The following EPHA6 variants were observed in gnomAD, a reference collection of about 807,000 sequenced individuals.
EPHA6 encodes ephrin type-A receptor 6.
Under a neutral mutation model 112.0 loss-of-function variants are expected in EPHA6, and 50 were observed. The observed-to-expected ratio is 0.45, with a 90% CI of 0.36 to 0.56. The LOEUF (loss-of-function observed/expected upper bound fraction) is 0.56, where lower values mean the gene tolerates loss of function less well. EPHA6 is among the 20% of genes least tolerant of loss of function. The probability of loss-of-function intolerance (pLI) is 0.00; values close to 1 mark genes in which losing one functional copy is unlikely to be tolerated. For missense variants in EPHA6, 1,280 were observed against 1,417.4 expected (o/e 0.90, Z 1.56); for synonymous variants, 529 against 490.7 (o/e 1.08, Z -1.03).
rs1434478011 is a variant in EPHA6 at position 97,701,930 on chromosome 3, T to A, written c.2785-18331T>A. On this transcript the variant is annotated intron_variant, in intron 14 of 17. Coordinates refer to ENST00000389672, the MANE Select transcript of EPHA6 (RefSeq NM_001080448.3). ...GCCAAGTTGAAAATAATATCAGGTA[T>A]CTACATTTCCATTTAAATGTTCTCA... Among the ~76,000 whole-genome samples the A allele has an allele frequency of 3.9e-5, 6 of 152,300 alleles. No homozygotes were observed. The East Asian group carries it at 1.2e-3, about 29-fold the overall frequency.
intron 2 of EPHA6, among the ~76,000 whole-genome samples, chr3:96,929,446 A>C (rs942281767): frequency 6.6e-6 from 1 of 152,188 alleles, no homozygotes; most frequent in Non-Finnish European, 1.5e-5. Context: ...GAATTCCCTC[A>C]GCATTTGCTT....
chr3:97,158,013 C>T (rs1231385298), intron 3 of EPHA6, among the ~76,000 whole-genome samples: 1 of 152,072 alleles, frequency 6.6e-6, no homozygotes, highest in African/African-American at 2.4e-5. Flanking sequence ...CTCCCTAAAC[C>T]ATACTTCTCC....
At chr3:97,655,941 G>A (rs550722286) in intron 14 of EPHA6, among the ~76,000 whole-genome samples, 3 of 151,808 alleles carry the variant, frequency 2.0e-5, no homozygotes, top group African/African-American at 7.3e-5. Context: ...AGTCTTTGGC[G>A]ATAGATGTTA....
chr3:97,445,486 A>G (rs1333987169), intron 6 of EPHA6, among the ~76,000 whole-genome samples: 2 of 152,232 alleles, frequency 1.3e-5, no homozygotes, highest in Non-Finnish European at 2.9e-5. Context: ...ATTAATAAGT[A>G]CTTAGAACTA....
intron 3 of EPHA6, among the ~76,000 whole-genome samples, chr3:97,063,179 A>G (rs2046075728): frequency 6.6e-6 from 1 of 152,158 alleles, no homozygotes; most frequent in African/African-American, 2.4e-5. Context: ...ATATCATTTG[A>G]CTCAGCAATC....
At chr3:97,480,695 T>A (rs529759852) in intron 9 of EPHA6, among the ~76,000 whole-genome samples, 453 of 152,358 alleles carry the variant, frequency 3.0e-3, no homozygotes, top group Non-Finnish European at 5.1e-3. Context: ...CCCTTTTCTA[T>A]TTGACAAAAC....
At chr3:97,704,415 C>T (rs917344614) in intron 14 of EPHA6, among the ~76,000 whole-genome samples, 1 of 152,148 alleles carries the variant, frequency 6.6e-6, no homozygotes, top group African/African-American at 2.4e-5. Context: ...CCATCTTTTC[C>T]TCCTCAGACA....
At chr3:97,267,939 T>G (rs2108634154) in intron 5 of EPHA6, among the ~76,000 whole-genome samples, 1 of 152,270 alleles carries the variant, frequency 6.6e-6, no homozygotes, top group Admixed American at 6.5e-5. Flanking sequence ...AAAACCTGAT[T>G]AAGACTTCCT....
At chr3:97,292,468 T>C in intron 5 of EPHA6, among the ~76,000 whole-genome samples, 1 of 152,178 alleles carries the variant, frequency 6.6e-6, no homozygotes, top group Non-Finnish European at 1.5e-5. Context: ...GGAGCTTCAT[T>C]AAGTAACAGA....
chr3:96,853,865 A>G (rs533977481), intron 1 of EPHA6, among the ~76,000 whole-genome samples: 7 of 151,958 alleles, frequency 4.6e-5, no homozygotes, highest in African/African-American at 1.7e-4. Context: ...GTTACTATTT[A>G]TTGTTTTTAG....
intron 11 of EPHA6, among the ~76,000 whole-genome samples, chr3:97,585,210 C>T (rs943392618): frequency 6.6e-6 from 1 of 152,170 alleles, no homozygotes; most frequent in African/African-American, 2.4e-5. Flanking sequence ...AGGAAAGTTA[C>T]AGTCCACGTT....
chr3:97,040,696 T>A (rs1171110287), intron 3 of EPHA6, among the ~76,000 whole-genome samples: 1 of 152,118 alleles, frequency 6.6e-6, no homozygotes, highest in East Asian at 1.9e-4. Flanking sequence ...ATAGTTTTAT[T>A]CTTTGGCTAT....
At chr3:97,325,533 C>G (rs1254893190) in intron 5 of EPHA6, among the ~76,000 whole-genome samples, 2 of 152,054 alleles carry the variant, frequency 1.3e-5, no homozygotes, top group African/African-American at 4.8e-5. Context: ...GTACAGGGGT[C>G]TAGGCTTCAA....
rs2305893 is a variant in EPHA6 at position 97,475,473 on chromosome 3, T to G, written c.2003+13T>G. On this transcript the variant is annotated intron_variant, in intron 8 of 17. Coordinates refer to ENST00000389672, the MANE Select transcript of EPHA6 (RefSeq NM_001080448.3). ...TGATCACTGGGAGGTAACTGAAACATACCATACTATTTCCGAGATTTATGA... is the reference window on the plus strand; with the variant it reads ...TGATCACTGGGAGGTAACTGAAACAGACCATACTATTTCCGAGATTTATGA... 179,119 of 1,549,508 alleles carry G rather than the reference T, an allele frequency of 0.12. 15,489 individuals are homozygous for G. Among genetic ancestry groups the G allele is most frequent in the African/African-American group, 0.39 (28,374 of 73,312 alleles).
chr3:97,504,888 A>G (rs1399464626), intron 10 of EPHA6, among the ~76,000 whole-genome samples: 1 of 152,188 alleles, frequency 6.6e-6, no homozygotes, highest in East Asian at 1.9e-4. Context: ...TACATGTAGT[A>G]TAAGTTATCT....
chr3:97,185,642 G>T (rs1027311754), intron 3 of EPHA6, among the ~76,000 whole-genome samples: 9 of 152,080 alleles, frequency 5.9e-5, no homozygotes, highest in Non-Finnish European at 7.3e-5. Context: ...AACCATTGTG[G>T]AAGTCAGTGT....
intron 14 of EPHA6, among the ~76,000 whole-genome samples, chr3:97,662,577 G>A (rs367907716): frequency 3.9e-5 from 6 of 152,152 alleles, no homozygotes; most frequent in South Asian, 2.1e-4. Flanking sequence ...AATATTCTCC[G>A]CTCCTCCTTC....
chr3:97,544,404 G>A (rs1166878020), intron 11 of EPHA6, among the ~76,000 whole-genome samples: 2 of 152,138 alleles, frequency 1.3e-5, no homozygotes, highest in Non-Finnish European at 2.9e-5. Flanking sequence ...TTATTGATTT[G>A]CGTATGTTGA....
At chr3:97,360,125 T>C (rs9810500) in intron 5 of EPHA6, among the ~76,000 whole-genome samples, 21,339 of 152,122 alleles carry the variant, frequency 0.14, 4,697 homozygotes, top group African/African-American at 0.47. Context: ...CTTTTTTGGC[T>C]ACCCTGGCTC....
Sources: gnomAD v4.1 joint callset for allele counts (sites outside exome capture counted in the v4.1 genomes callset) on GRCh38, gnomAD v4.1.1 for gene constraint, MANE v1.5 for transcripts, NCBI Gene and HGNC (gene_info 2026-07-23, HGNC 2026-07-21) for gene names.